The following PATJ variants were observed in gnomAD, a reference collection of about 807,000 sequenced individuals.
PATJ encodes inaD-like protein.
Under a neutral mutation model 224.9 loss-of-function variants are expected in PATJ, and 190 were observed. The ratio of observed to expected loss-of-function variants is 0.84; its 90% CI spans 0.75 to 0.95. PATJ has a LOEUF of 0.95. Among genes scored for constraint, PATJ ranks in the 40% least tolerant of loss-of-function variants. PATJ has a pLI of 0.00. For missense variants in PATJ, 2,121 were observed against 2,270.3 expected (o/e 0.93, Z 1.34); for synonymous variants, 769 against 820.3 (o/e 0.94, Z 1.07).
intron 41 of PATJ, among the ~76,000 whole-genome samples, chr1:62,140,632 A>G (rs541026587): frequency 6.6e-6 from 1 of 152,080 alleles, no homozygotes; most frequent in East Asian, 1.9e-4. Context: ...CAGCCTGGGC[A>G]ACAGAGCGAG....
At chr1:62,023,290 CAAAAA>C (rs10600520) in intron 29 of PATJ, among the ~76,000 whole-genome samples, 2 of 105,092 alleles carry the variant, frequency 1.9e-5, no homozygotes, top group South Asian at 5.4e-4. Flanking sequence ...AAGTCCATCT[CAAAAA>C]AAAAAAAAAA....
chr1:61,799,122 A>T (rs1302790166), intron 11 of PATJ, among the ~76,000 whole-genome samples: 1 of 152,198 alleles, frequency 6.6e-6, no homozygotes, highest in Non-Finnish European at 1.5e-5. Flanking sequence ...CATCCAGTGT[A>T]TGAAATTAAA....
intron 17 of PATJ, among the ~76,000 whole-genome samples, chr1:61,842,663 CA>C (rs1156367334): frequency 6.6e-6 from 1 of 151,546 alleles, no homozygotes; most frequent in Admixed American, 6.6e-5. Context: ...AACTGGTAAT[CA>C]CATCTCTCCT....
At chr1:61,760,622 T>TC (rs1227140290) in intron 1 of PATJ, among the ~76,000 whole-genome samples, 18 of 149,764 alleles carry the variant, frequency 1.2e-4, no homozygotes, top group Admixed American at 2.7e-4. Flanking sequence ...TCTTTTTCTT[T>TC]TTTTTTTTTT....
chr1:61,986,796 T>A (rs1429760588), intron 27 of PATJ, among the ~76,000 whole-genome samples: 1 of 152,216 alleles, frequency 6.6e-6, no homozygotes, highest in Admixed American at 6.5e-5. Context: ...GGTTTTAATT[T>A]CACTGAACTT....
intron 1 of PATJ, among the ~76,000 whole-genome samples, chr1:61,745,877 T>TC (rs1644998292): frequency 1.3e-5 from 2 of 151,958 alleles, no homozygotes; most frequent in African/African-American, 4.8e-5. Context: ...GTGCTGGGAT[T>TC]ACAGGCGTGA....
intron 42 of PATJ, among the ~76,000 whole-genome samples, chr1:62,152,832 G>A (rs1668764611): frequency 6.6e-6 from 1 of 151,638 alleles, no homozygotes; most frequent in Non-Finnish European, 1.5e-5. Context: ...TCAGCTGTCA[G>A]CAGTAAGTTT....
Position 62,157,681 on chromosome 1 carries a change from A to C in PATJ, c.5503-3227A>C, listed in dbSNP as rs1008261377. ...CCCCATCTCTACAAAATATACAAAAATTAGCCGGGCATGGTGGCAGGTGCC... is the reference window on the plus strand; with the variant it reads ...CCCCATCTCTACAAAATATACAAAACTTAGCCGGGCATGGTGGCAGGTGCC... On this transcript the variant is annotated intron_variant, in intron 43 of 43. Transcript: ENST00000642238. Among the ~76,000 whole-genome samples, 6 of 147,752 alleles carry C rather than the reference A, an allele frequency of 4.1e-5. 1 individual carries two copies. Among genetic ancestry groups the C allele is most frequent in the Admixed American group, 1.4e-4 (2 of 13,984 alleles).
chr1:62,119,123 A>AT (rs1664774832), intron 37 of PATJ, among the ~76,000 whole-genome samples: 1 of 152,180 alleles, frequency 6.6e-6, no homozygotes, highest in Non-Finnish European at 1.5e-5. Context: ...CAGAATTTTA[A>AT]TTTCAGAGGG....
At chr1:62,079,374 A>G in intron 31 of PATJ, 76 bp from the exon 32 acceptor site, 1 of 861,234 alleles carries the variant, frequency 1.2e-6, no homozygotes, top group Non-Finnish European at 2.0e-6. Flanking sequence ...TTTTGGTAAC[A>G]ATACACCAGT....
At chr1:61,850,937 T>C (rs578209260) in intron 17 of PATJ, among the ~76,000 whole-genome samples, 1 of 152,304 alleles carries the variant, frequency 6.6e-6, no homozygotes, top group African/African-American at 2.4e-5. Flanking sequence ...GGGATGTGGC[T>C]TTTGCTTTTG....
chr1:62,037,936 A>G, intron 29 of PATJ, 41 bp from the exon 30 acceptor site: 1 of 1,339,068 alleles, frequency 7.5e-7, no homozygotes. Flanking sequence ...GGAACTTAGC[A>G]TTTACTGTGT....
intron 1 of PATJ, among the ~76,000 whole-genome samples, chr1:61,747,838 T>G (rs767637365): frequency 1.2e-4 from 19 of 152,354 alleles, no homozygotes; most frequent in Non-Finnish European, 2.4e-4. Flanking sequence ...TTAGTTAGGA[T>G]TGAAATGTGC....
chr1:62,148,551 A>G (rs1267677569), intron 42 of PATJ, among the ~76,000 whole-genome samples, 161 bp downstream of exon 42: 1 of 152,202 alleles, frequency 6.6e-6, no homozygotes, highest in Non-Finnish European at 1.5e-5. Flanking sequence ...TAATTCCACC[A>G]CATGAGTTCT....
intron 35 of PATJ, among the ~76,000 whole-genome samples, chr1:62,115,164 G>A (rs1462893021): frequency 6.6e-6 from 1 of 152,038 alleles, no homozygotes; most frequent in Admixed American, 6.6e-5. Flanking sequence ...CAAAAAATTA[G>A]CCAGGCATAG....
At chr1:61,937,875 C>T (rs374585027) in intron 27 of PATJ, among the ~76,000 whole-genome samples, 3 of 152,146 alleles carry the variant, frequency 2.0e-5, no homozygotes, top group East Asian at 3.9e-4. Flanking sequence ...GTCTCAAACT[C>T]CCAACCTCAG....
intron 26 of PATJ, among the ~76,000 whole-genome samples, chr1:61,922,199 C>G (rs140017268): frequency 6.6e-6 from 1 of 152,064 alleles, no homozygotes; most frequent in Admixed American, 6.6e-5. Context: ...CACACCACCA[C>G]ACCTGGCTAA....
chr1:62,076,731 T>G (rs1275101905), intron 31 of PATJ, among the ~76,000 whole-genome samples: 1 of 152,248 alleles, frequency 6.6e-6, no homozygotes, highest in Non-Finnish European at 1.5e-5. Flanking sequence ...CGTAATTTAG[T>G]AATCTAGATT....
At chr1:61,779,535 C>G (rs1412324231) in intron 7 of PATJ, among the ~76,000 whole-genome samples, 1 of 152,170 alleles carries the variant, frequency 6.6e-6, no homozygotes, top group East Asian at 1.9e-4. Flanking sequence ...GCAGCAACAT[C>G]TAGATTAGTG....
Sources: gnomAD v4.1 joint callset for allele counts (sites outside exome capture counted in the v4.1 genomes callset) on GRCh38, gnomAD v4.1.1 for gene constraint, MANE v1.5 for transcripts, NCBI Gene and HGNC (gene_info 2026-07-23, HGNC 2026-07-21) for gene names.